The following NRXN3 variants were observed in gnomAD, a reference collection of about 807,000 sequenced individuals.
The protein encoded by NRXN3 is neurexin III.
In NRXN3, 32 loss-of-function variants were observed where a neutral mutation model predicts 137.6. That is an observed-to-expected ratio of 0.23 (90% confidence interval 0.18 to 0.31). NRXN3 has a LOEUF of 0.31. Among genes scored for constraint, NRXN3 ranks in the 10% least tolerant of loss-of-function variants. The pLI, the probability that NRXN3 is intolerant of heterozygous loss-of-function variation, is 1.00. For synonymous variants in NRXN3, 798 were observed against 784.5 expected, an observed-to-expected ratio of 1.02 and a Z score of -0.29; for missense variants, 1,574 against 2,062.5, an observed-to-expected ratio of 0.76 and a Z score of 4.59.
chr14:79,057,852 C>A (rs567043224), intron 15 of NRXN3, among the ~76,000 whole-genome samples: 1 of 151,962 alleles, frequency 6.6e-6, no homozygotes, highest in East Asian at 1.9e-4. Context: ...TGGTGCCATT[C>A]CAAGGATGAG....
chr14:79,544,211 CAG>C (rs1567451254), intron 16 of NRXN3, among the ~76,000 whole-genome samples: 1 of 152,222 alleles, frequency 6.6e-6, no homozygotes, highest in African/African-American at 2.4e-5. Flanking sequence ...AATGGTGCCT[CAG>C]GGGGTCTGAG....
intron 17 of NRXN3, among the ~76,000 whole-genome samples, chr14:79,676,567 A>G (rs1302139562): frequency 6.6e-6 from 1 of 151,910 alleles, no homozygotes; most frequent in Admixed American, 6.6e-5. Flanking sequence ...CCAAGAGAGT[A>G]GATTTTAGGT....
At chr14:79,803,444 C>T (rs2099189745) in intron 19 of NRXN3, among the ~76,000 whole-genome samples, 1 of 152,138 alleles carries the variant, frequency 6.6e-6, no homozygotes, top group East Asian at 1.9e-4. Flanking sequence ...CCTTGGCTTG[C>T]AGATGACTAT....
chr14:79,781,337 G>A (rs2099113161), intron 19 of NRXN3, among the ~76,000 whole-genome samples: 2 of 152,176 alleles, frequency 1.3e-5, no homozygotes, highest in African/African-American at 4.8e-5. Context: ...GTGGTAGTAT[G>A]ATACGGGAAA....
At chr14:79,056,892 C>T (rs553517097) in intron 15 of NRXN3, among the ~76,000 whole-genome samples, 2 of 151,834 alleles carry the variant, frequency 1.3e-5, no homozygotes, top group Non-Finnish European at 2.9e-5. Context: ...TCTGTGCTCT[C>T]AGATCTCCAC....
chr14:79,433,720 C>T (rs2095800369), intron 15 of NRXN3, among the ~76,000 whole-genome samples: 1 of 152,172 alleles, frequency 6.6e-6, no homozygotes, highest in Admixed American at 6.5e-5. Context: ...GGCAACATTT[C>T]ATAGATGATA....
chr14:78,969,934 A>T (rs183164060), intron 14 of NRXN3, among the ~76,000 whole-genome samples: 287 of 151,954 alleles, frequency 1.9e-3, no homozygotes, highest in Admixed American at 3.0e-3. Flanking sequence ...ATTTCATTCA[A>T]TCAGGGATTT....
chr14:78,636,996 A>G (rs1311670522), intron 4 of NRXN3, among the ~76,000 whole-genome samples: 2 of 152,050 alleles, frequency 1.3e-5, no homozygotes, highest in Non-Finnish European at 2.9e-5. Flanking sequence ...ATTTTTTAGC[A>G]ATATCCATCC....
intron 16 of NRXN3, among the ~76,000 whole-genome samples, chr14:79,581,407 C>G (rs1390188228): frequency 6.6e-6 from 1 of 152,122 alleles, no homozygotes; most frequent in Non-Finnish European, 1.5e-5. Flanking sequence ...TTAAATTTCC[C>G]AAGTTCTTAA....
chr14:79,393,346 G>A (rs1367648721), intron 15 of NRXN3, among the ~76,000 whole-genome samples: 1 of 152,164 alleles, frequency 6.6e-6, no homozygotes, highest in Admixed American at 6.5e-5. Context: ...TTACAGCATA[G>A]ACAAGGACAG....
chr14:78,781,076 T>C (rs1462445040), intron 8 of NRXN3, among the ~76,000 whole-genome samples: 2 of 152,068 alleles, frequency 1.3e-5, no homozygotes, highest in Non-Finnish European at 2.9e-5. Context: ...TATAATAACA[T>C]CCAATACTGG....
intron 20 of NRXN3, among the ~76,000 whole-genome samples, chr14:79,836,302 C>T (rs545253745): frequency 6.6e-6 from 1 of 152,194 alleles, no homozygotes; most frequent in African/African-American, 2.4e-5. Flanking sequence ...TTCTTACAAC[C>T]ATCAGTTCCA....
chr14:78,434,573 T>C (rs2093998782), intron 4 of NRXN3, among the ~76,000 whole-genome samples: 1 of 152,138 alleles, frequency 6.6e-6, no homozygotes, highest in Non-Finnish European at 1.5e-5. Context: ...TACATAATCA[T>C]AACAGTCACA....
chr14:79,712,478 C>T (rs2098807984), intron 19 of NRXN3, among the ~76,000 whole-genome samples: 1 of 152,218 alleles, frequency 6.6e-6, no homozygotes, highest in African/African-American at 2.4e-5. Flanking sequence ...CACAACTATT[C>T]ACCAGCTGCA....
At chr14:79,724,100 A>T (rs994947518) in intron 19 of NRXN3, among the ~76,000 whole-genome samples, 1 of 152,120 alleles carries the variant, frequency 6.6e-6, no homozygotes, top group Non-Finnish European at 1.5e-5. Context: ...TGTTCTCAAG[A>T]GCTGAAAAAA....
intron 15 of NRXN3, among the ~76,000 whole-genome samples, chr14:79,411,258 C>T (rs1207749963): frequency 6.6e-6 from 1 of 151,956 alleles, no homozygotes; most frequent in Non-Finnish European, 1.5e-5. Flanking sequence ...TCTAGGTTTT[C>T]TTGAGAAATT....
intron 7 of NRXN3, among the ~76,000 whole-genome samples, chr14:78,713,325 A>G (rs1303924972): frequency 6.6e-6 from 1 of 151,944 alleles, no homozygotes; most frequent in African/African-American, 2.4e-5. Flanking sequence ...CTAGCCACAC[A>G]TCTGCCTACC....
intron 16 of NRXN3, among the ~76,000 whole-genome samples, chr14:79,659,107 G>A (rs1358327493): frequency 3.3e-5 from 5 of 152,100 alleles, no homozygotes; most frequent in African/African-American, 1.2e-4. Context: ...ACTAATTTGG[G>A]GAGCCAGGTG....
chr14:78,276,569 G>C (rs982264292), intron 2 of NRXN3, among the ~76,000 whole-genome samples: 5 of 152,222 alleles, frequency 3.3e-5, no homozygotes, highest in African/African-American at 1.2e-4. Flanking sequence ...CCATGAGGGA[G>C]GCTCTGATAT....
Sources: gnomAD v4.1 joint callset for allele counts (sites outside exome capture counted in the v4.1 genomes callset) on GRCh38, gnomAD v4.1.1 for gene constraint, MANE v1.5 for transcripts, NCBI Gene and HGNC (gene_info 2026-07-23, HGNC 2026-07-21) for gene names.